ANGPTL5: variants seen among roughly 807,000 people sequenced by gnomAD.
ANGPTL5 encodes angiopoietin-related protein 5.
ANGPTL5 carries 34 observed loss-of-function variants against 39.4 expected under a neutral mutation model. The observed-to-expected ratio is 0.86, with a 90% CI of 0.66 to 1.15. The LOEUF (loss-of-function observed/expected upper bound fraction) is 1.15, where lower values mean the gene tolerates loss of function less well. Among genes scored for constraint, ANGPTL5 ranks in the 50% most tolerant of loss-of-function variants. ANGPTL5 has a pLI of 0.00. For synonymous variants in ANGPTL5, 146 were observed against 152.1 expected (o/e 0.96, Z 0.29); for missense variants, 467 against 457.5 (o/e 1.02, Z -0.19).
intron 6 of ANGPTL5, 46 bp downstream of exon 6, chr11:101,902,575 T>G (rs1487120433): frequency 7.5e-7 from 1 of 1,328,744 alleles, no homozygotes; most frequent in Admixed American, 1.7e-5. Flanking sequence ...GTTGGATGTT[T>G]ATCTTAGCCC....
At chr11:101,908,453 G>T in intron 1 of ANGPTL5, among the ~76,000 whole-genome samples, 1 of 152,238 alleles carries the variant, frequency 6.6e-6, no homozygotes, top group African/African-American at 2.4e-5. Flanking sequence ...ATCCAGAGCA[G>T]ATAATTCAGA....
intron 7 of ANGPTL5, among the ~76,000 whole-genome samples, chr11:101,895,566 T>C (rs1016084114): frequency 2.0e-5 from 3 of 152,216 alleles, no homozygotes; most frequent in Non-Finnish European, 4.4e-5. Context: ...TTTTCTGTCT[T>C]GGAATACTTT....
At chr11:101,896,234 G>A (rs1939791544) in intron 7 of ANGPTL5, among the ~76,000 whole-genome samples, 1 of 151,032 alleles carries the variant, frequency 6.6e-6, no homozygotes, top group Non-Finnish European at 1.5e-5. Flanking sequence ...CCAGGCTACG[G>A]TGCAGTAGTG....
intron 4 of ANGPTL5, 129 bp from the exon 5 acceptor site, chr11:101,905,036 A>T: frequency 1.4e-6 from 1 of 711,614 alleles, no homozygotes; most frequent in Non-Finnish European, 2.4e-6. Context: ...TACTGCTTTA[A>T]CAAAGAATAA....
intron 1 of ANGPTL5, chr11:101,915,081 C>T (rs964237105): frequency 2.6e-5 from 17 of 664,672 alleles, no homozygotes; most frequent in Non-Finnish European, 3.8e-5. Context: ...CCGGCGAGGT[C>T]GCCGCTGCCT....
At position 101,891,520 on chromosome 11, in the gene ANGPTL5, C is replaced by A. The variant is rs1428790951; in HGVS notation, c.926G>T (p.Gly309Val). Residue 309 changes from glycine (G) to valine (V), a missense_variant, in exon 9 of 9, where the codon GGG (glycine) becomes GTG (valine). Gly to Val is a moderately radical substitution (Grantham distance 109). Transcript: ENST00000334289. ...ATTGACCAGGCATGCAGGGCGACAC[C>A]CATCATTATCAACATCTGATGTGCT... ...PFSTSDVDND[G>V]CRPACLVNGQ... is the part of the protein sequence containing the mutation. The A allele has an allele frequency of 6.2e-7, 1 of 1,614,008 alleles. No individual in the cohort carries two copies.
Position 101,891,583 on chromosome 11 carries a change from C to T in ANGPTL5, c.863G>A (p.Gly288Asp). Residue 288 changes from glycine (G) to aspartate (D), a missense_variant, in exon 9 of 9, where the codon GGT becomes GAT. Transcript: ENST00000334289. The stretch of plus-strand genomic sequence containing the variant: ...ATTTTGATTATCTTCTTTTTTGAGA[C>T]CCCGGAATGCATCACCTGGGAAAAA... ...YSGNAGDAFR[G>D]LKKEDNQNAM... is the part of the protein sequence containing the mutation. 1 of 1,613,718 alleles carries T rather than the reference C, an allele frequency of 6.2e-7. No individual in the cohort carries two copies. The highest frequency in any genetic ancestry group is 8.5e-7 in the Non-Finnish European group (1 of 1,179,882).
chr11:101,914,508 C>CA (rs1443068102), intron 1 of ANGPTL5, among the ~76,000 whole-genome samples: 1 of 152,128 alleles, frequency 6.6e-6, no homozygotes, highest in Non-Finnish European at 1.5e-5. Context: ...CTAAGTAGGG[C>CA]AAAGGCAAGG....
chr11:101,899,349 C>T (rs1351832263), intron 7 of ANGPTL5, among the ~76,000 whole-genome samples: 4 of 152,240 alleles, frequency 2.6e-5, no homozygotes, highest in African/African-American at 9.6e-5. Context: ...ATCCACCTGC[C>T]TTGGCCTCTC....
rs1225618651 is a variant in ANGPTL5 at position 101,891,036 on chromosome 11, T to G, written c.*243A>C. The G allele has an allele frequency of 2.2e-5, 7 of 318,994 alleles. No individual in the cohort carries two copies. Among genetic ancestry groups the G allele is most frequent in the East Asian group, 5.7e-5 (1 of 17,502 alleles). 19.8% of individuals were successfully genotyped at this position (318,994 alleles called of 1,614,324 possible). A position where few individuals can be genotyped will look rare whatever the true frequency, so the allele number is the denominator to read the frequency against. Reference sequence around the variant, plus strand: ...TAAATTTTAGGAAGACAAGTTGTAGTTCACTTGAAACAAATTTCATTGTAT... The same window carrying G: ...TAAATTTTAGGAAGACAAGTTGTAGGTCACTTGAAACAAATTTCATTGTAT... On this transcript the variant is annotated 3_prime_UTR_variant, in exon 9 of 9. Coordinates refer to ENST00000334289, the MANE Select transcript of ANGPTL5 (RefSeq NM_178127.5).
chr11:101,900,860 CT>C (rs972234535), intron 6 of ANGPTL5, among the ~76,000 whole-genome samples: 4 of 149,852 alleles, frequency 2.7e-5, no homozygotes, highest in East Asian at 1.9e-4. Context: ...TTTTTCCCCC[CT>C]TTTTTTTTGA....
chr11:101,901,168 C>T (rs1376948668), intron 6 of ANGPTL5, among the ~76,000 whole-genome samples: 1 of 151,980 alleles, frequency 6.6e-6, no homozygotes, highest in East Asian at 1.9e-4. Flanking sequence ...TGAGCCACCG[C>T]GCCTGGCCGT....
At chr11:101,910,420 AAAAAATATAT>A (rs914457767) in intron 1 of ANGPTL5, among the ~76,000 whole-genome samples, 8 of 128,414 alleles carry the variant, frequency 6.2e-5, no homozygotes, top group African/African-American at 2.0e-4. Flanking sequence ...CAAAAAAAAA[AAAAAATATAT>A]ATATATATAT....
intron 3 of ANGPTL5, 69 bp downstream of exon 3, chr11:101,907,034 C>G: frequency 8.2e-7 from 1 of 1,221,992 alleles, no homozygotes; most frequent in Non-Finnish European, 1.1e-6. Context: ...CTAAAGTATA[C>G]TTTTCAGTGT....
chr11:101,894,912 TA>T lies in ANGPTL5; in HGVS notation c.813del (p.Phe271LeufsTer5), dbSNP rs765321536. The T allele has an allele frequency of 1.9e-6, 3 of 1,613,492 alleles. No individual in the cohort carries two copies. ...NFWLEDETRFFKMHLGRYSGN... is the reference protein window; with the variant it reads ...NFWLEDETRFXKMHLGRYSGN... ...CCTGAATACCGTCCTAAGTGCATTT[TA>T]AAAAATCTCGTTTCATCCTCTAGCC... On this transcript the variant is annotated frameshift_variant, in exon 8 of 9. Coordinates refer to ENST00000334289, the MANE Select transcript of ANGPTL5 (RefSeq NM_178127.5). LOFTEE classifies it high-confidence loss of function.
In ANGPTL5 at chr11:101,902,725, G is replaced by A. The variant is rs1236291986; in HGVS notation, c.440-4C>T. On this transcript the variant is annotated splice_region_variant and splice_polypyrimidine_tract_variant and intron_variant, in intron 5 of 8. Coordinates refer to ENST00000334289, the MANE Select transcript of ANGPTL5 (RefSeq NM_178127.5). ...TTAATATCAGTGCAATCTAAACCTA[G>A]AAAAGCAAAATTATTTAATTGGGAT... The A allele has an allele frequency of 3.2e-6, 5 of 1,569,050 alleles. No individual in the cohort carries two copies. In the South Asian group the frequency reaches 5.6e-5, roughly 18 times the overall value.
In ANGPTL5 at chr11:101,895,079, C is replaced by T. The variant is rs1487501690; in HGVS notation, c.662-15G>A. The T allele has an allele frequency of 5.3e-6, 8 of 1,521,560 alleles. No individual in the cohort carries two copies. The highest frequency in any genetic ancestry group is 3.6e-5 in the South Asian group (3 of 84,146). 94.3% of individuals were successfully genotyped at this position (1,521,560 alleles called of 1,614,324 possible). A position where few individuals can be genotyped will look rare whatever the true frequency, so the allele number is the denominator to read the frequency against. Reference sequence around the variant, plus strand: ...CCAAAATTCTCCTGTAAAAAAAATGCTTTGTTTTAATATATTTTAATACAA... The same window carrying T: ...CCAAAATTCTCCTGTAAAAAAAATGTTTTGTTTTAATATATTTTAATACAA... On this transcript the variant is annotated splice_polypyrimidine_tract_variant and intron_variant, in intron 7 of 8. Transcript: ENST00000334289.
intron 1 of ANGPTL5, chr11:101,915,245 G>A (rs763153030): frequency 6.2e-7 from 1 of 1,610,240 alleles, no homozygotes; most frequent in Non-Finnish European, 8.5e-7. Context: ...CCATGAGGGA[G>A]GTTCTGGGGG....
chr11:101,907,061 G>C (rs1264243270), intron 3 of ANGPTL5, 42 bp downstream of exon 3: 1 of 1,401,380 alleles, frequency 7.1e-7, no homozygotes, highest in African/African-American at 1.5e-5. Context: ...TAAAAATAAT[G>C]AATCATATAC....
Sources: gnomAD v4.1 joint callset for allele counts (sites outside exome capture counted in the v4.1 genomes callset) on GRCh38, gnomAD v4.1.1 for gene constraint, MANE v1.5 for transcripts, NCBI Gene and HGNC (gene_info 2026-07-23, HGNC 2026-07-21) for gene names.